CRACDL: variants seen among roughly 807,000 people sequenced by gnomAD.
CRACDL encodes CRACD like, also known as CRACD-like protein.
A neutral mutation model predicts 70.6 loss-of-function variants in CRACDL; 26 were observed. That is an observed-to-expected ratio of 0.37 (90% confidence interval 0.27 to 0.51). CRACDL has a LOEUF of 0.51. Ranked by LOEUF, CRACDL falls within the 20% of genes least tolerant of loss-of-function variation. The pLI, the probability that CRACDL is intolerant of heterozygous loss-of-function variation, is 0.94. For missense variants in CRACDL, 1,283 were observed against 1,376.9 expected, an observed-to-expected ratio of 0.93 and a Z score of 1.08; for synonymous variants, 618 against 615.2, an observed-to-expected ratio of 1.00 and a Z score of -0.07.
chr2:98,873,203 T>C (rs997887686), intron 1 of CRACDL, among the ~76,000 whole-genome samples: 2 of 152,246 alleles, frequency 1.3e-5, no homozygotes, highest in Non-Finnish European at 2.9e-5. Flanking sequence ...CCTTCTCCAC[T>C]GCTGGGAACA....
At chr2:98,892,574 T>C (rs1017613296) in intron 1 of CRACDL, among the ~76,000 whole-genome samples, 2 of 151,580 alleles carry the variant, frequency 1.3e-5, no homozygotes, top group Admixed American at 6.6e-5. Flanking sequence ...CCTGTAGTCC[T>C]AGCTACTCCG....
Position 98,822,206 on chromosome 2 carries a change from G to C in CRACDL, c.2067C>G (p.Thr689=). 1 of 1,610,224 alleles carries C rather than the reference G, an allele frequency of 6.2e-7. No individual in the cohort carries two copies. The highest frequency in any genetic ancestry group is 8.5e-7 in the Non-Finnish European group (1 of 1,179,296). ...RNPFPVKLRS[T]SLSLKYRDGA... Reference sequence around the variant, plus strand: ...CATCCCTGTATTTGAGCGAGAGGGAGGTGGACCGGAGCTTGACGGGGAAGG... The same window carrying C: ...CATCCCTGTATTTGAGCGAGAGGGACGTGGACCGGAGCTTGACGGGGAAGG... The change falls in exon 7 of 10, where the codon ACC becomes ACG. Residue 689 remains threonine, a synonymous_variant. Transcript: ENST00000397899. This position sits in a 1 kb window ranked among gnomAD's most constrained non-coding sequence, Gnocchi z 4.9.
At chr2:98,805,301 C>G (rs1704239856) in intron 7 of CRACDL, among the ~76,000 whole-genome samples, 1 of 152,000 alleles carries the variant, frequency 6.6e-6, no homozygotes, top group Admixed American at 6.6e-5. Flanking sequence ...ATAACAAAAC[C>G]CCCCCTAAGA....
chr2:98,912,184 AAT>A (rs1708560582), intron 1 of CRACDL, among the ~76,000 whole-genome samples: 1 of 152,210 alleles, frequency 6.6e-6, no homozygotes, highest in Non-Finnish European at 1.5e-5. Context: ...CGCAAGGGCA[AAT>A]AAAACATTTT....
In CRACDL at chr2:98,832,494, C is replaced by T. The variant is rs759873162; in HGVS notation, c.394G>A (p.Val132Met). 2.5e-6 allele frequency: 4 copies of T among 1,606,828 alleles called. No individual in the cohort carries two copies. The highest frequency in any genetic ancestry group is 2.7e-5 in the African/African-American group (2 of 74,566). ...KALQLKIQCNVKMGPPPPPGG... is the reference protein window; with the variant it reads ...KALQLKIQCNMKMGPPPPPGG... The stretch of plus-strand genomic sequence containing the variant: ...GGAGGAGGTGGTGGCCCCATTTTCA[C>T]ATTACACTGTATTTTTAACTAGATT... The change falls in exon 5 of 10, where the codon GTG becomes ATG. Residue 132 changes from valine (V) to methionine (M), a missense_variant. Val to Met is a conservative substitution (Grantham distance 21). This residue lies in a region of CRACDL where 362 missense variants were observed against 495.0 expected (regional missense o/e 0.73). Coordinates refer to ENST00000397899, the MANE Select transcript of CRACDL (RefSeq NM_207362.3).
At position 98,822,010 on chromosome 2, in the gene CRACDL, G is replaced by A; in HGVS notation, c.2263C>T (p.Pro755Ser). 6.5e-7 allele frequency: 1 copy of A among 1,538,526 alleles called. No individual in the cohort carries two copies. The highest frequency in any genetic ancestry group is 8.8e-7 in the Non-Finnish European group (1 of 1,141,946). ...GGCAGGGGCGGCTTGGAGCTGAGCG[G>A]CTCGGGGGGCCGGGCCTTCCCCTTT... ...QGKGKARPPE[P>S]LSSKPPLPRK... The change falls in exon 7 of 10, where the codon CCG (proline) becomes TCG (serine). Residue 755 changes from proline (P) to serine (S), a missense_variant. Pro to Ser is a moderately conservative substitution (Grantham distance 74). Transcript: ENST00000397899. This position sits in a 1 kb window ranked among gnomAD's most constrained non-coding sequence, Gnocchi z 4.9.
intron 5 of CRACDL, 34 bp from the exon 6 acceptor site, chr2:98,827,203 G>C (rs1206700555): frequency 1.3e-6 from 2 of 1,485,676 alleles, no homozygotes; most frequent in Non-Finnish European, 1.9e-6. Context: ...CACGGAGCAT[G>C]AACTTCACCG....
Position 98,823,379 on chromosome 2 carries a change from G to A in CRACDL, c.894C>T (p.Pro298=). Residue 298 remains proline, a synonymous_variant, in exon 7 of 10, where the codon CCC becomes CCT. Coordinates refer to ENST00000397899, the MANE Select transcript of CRACDL (RefSeq NM_207362.3). The surrounding 1 kb of genome is among the most constrained non-coding windows in gnomAD (Gnocchi z 4.0). ...CACGGGCCCCTCCGGGTGGCGGCAA[G>A]GGCGCCGGTGGCCCAGGCTCAGGGC... ...DRGPEPGPPA[P]LPPPGGARAR... 3 of 1,536,350 alleles carry A rather than the reference G, an allele frequency of 2.0e-6. No individual in the cohort carries two copies. The highest frequency in any genetic ancestry group is 2.0e-4 in the Middle Eastern group (1 of 5,054).
At chr2:98,810,400 C>T (rs575013478) in intron 7 of CRACDL, among the ~76,000 whole-genome samples, 2 of 152,046 alleles carry the variant, frequency 1.3e-5, no homozygotes, top group East Asian at 1.9e-4. Flanking sequence ...GAAGGCAATG[C>T]GAATTTTTAA....
intron 7 of CRACDL, among the ~76,000 whole-genome samples, chr2:98,802,212 T>A (rs1415394225): frequency 6.6e-6 from 1 of 152,274 alleles, no homozygotes; most frequent in Non-Finnish European, 1.5e-5. Flanking sequence ...GGGGCTGCCC[T>A]GCTGGCGCTG....
intron 3 of CRACDL, among the ~76,000 whole-genome samples, chr2:98,836,840 T>C (rs569881949): frequency 2.7e-4 from 41 of 152,236 alleles, no homozygotes; most frequent in Admixed American, 1.3e-3. Flanking sequence ...CCCAGCACTT[T>C]GGGAGGCCGA....
intron 5 of CRACDL, among the ~76,000 whole-genome samples, chr2:98,828,801 G>C (rs1480243429): frequency 6.6e-6 from 1 of 152,178 alleles, no homozygotes; most frequent in Non-Finnish European, 1.5e-5. Context: ...TAAAAATTAT[G>C]TTAAAAATAA....
chr2:98,862,423 G>GA (rs1433379381), intron 1 of CRACDL, among the ~76,000 whole-genome samples: 2 of 151,888 alleles, frequency 1.3e-5, no homozygotes, highest in East Asian at 3.9e-4. Flanking sequence ...ACCATCAAAG[G>GA]AAAAAAACCA....
At chr2:98,913,762 C>T (rs1179629975) in intron 1 of CRACDL, among the ~76,000 whole-genome samples, 1 of 152,184 alleles carries the variant, frequency 6.6e-6, no homozygotes, top group Non-Finnish European at 1.5e-5. Context: ...CCTCCCCAGT[C>T]GTTAGAATGA....
At position 98,823,285 on chromosome 2, in the gene CRACDL, C is replaced by T; in HGVS notation, c.988G>A (p.Glu330Lys). ...ASVEEGGVPG[E>K]DPSSRPATPE... is the part of the protein sequence containing the mutation. ...GTGGCCGGGCGGCTTGAGGGGTCCT[C>T]CCCGGGGACGCCCCCCTCCTCCACG... The change falls in exon 7 of 10, where the codon GAG becomes AAG. Residue 330 changes from glutamate to lysine, a missense_variant. Coordinates refer to ENST00000397899, the MANE Select transcript of CRACDL (RefSeq NM_207362.3). This position sits in a 1 kb window ranked among gnomAD's most constrained non-coding sequence, Gnocchi z 4.0. The T allele has an allele frequency of 7.0e-7, 1 of 1,419,268 alleles. No homozygotes were observed. The highest frequency in any genetic ancestry group is 9.1e-7 in the Non-Finnish European group (1 of 1,097,484). 87.9% of individuals were successfully genotyped at this position (1,419,268 alleles called of 1,614,324 possible).
intron 1 of CRACDL, among the ~76,000 whole-genome samples, chr2:98,868,793 A>G (rs1175445425): frequency 6.6e-6 from 1 of 152,212 alleles, no homozygotes; most frequent in African/African-American, 2.4e-5. Context: ...CTGCTCACCC[A>G]GCCCTCCTCC....
At chr2:98,914,469 G>A (rs941170930) in intron 1 of CRACDL, among the ~76,000 whole-genome samples, 3 of 152,260 alleles carry the variant, frequency 2.0e-5, no homozygotes, top group Non-Finnish European at 4.4e-5. Flanking sequence ...ATCAGGTTAC[G>A]GAAGTTGAGT....
chr2:98,919,187 T>C lies in CRACDL; in HGVS notation c.-11+16751A>G, dbSNP rs992894310. Among the ~76,000 whole-genome samples, 11 of 152,228 alleles carry C rather than the reference T, an allele frequency of 7.2e-5. No individual in the cohort carries two copies. The East Asian group carries it at 2.1e-3, about 29-fold the overall frequency. On this transcript the variant is annotated intron_variant, in intron 1 of 9. Coordinates refer to ENST00000397899, the MANE Select transcript of CRACDL (RefSeq NM_207362.3). ...TCTCAGCACCATTTATTGAAAGGGG[T>C]GTCCATTTTTATACCAGTGCCATGC...
intron 7 of CRACDL, among the ~76,000 whole-genome samples, chr2:98,798,248 G>A (rs542514063): frequency 4.3e-4 from 65 of 152,146 alleles, no homozygotes; most frequent in African/African-American, 1.5e-3. Flanking sequence ...GGGAGACTGT[G>A]GCAGGACAAT....
Sources: allele counts gnomAD v4.1 joint callset (sites outside exome capture counted in the v4.1 genomes callset), GRCh38; gene constraint gnomAD v4.1.1; regional missense constraint gnomAD v4.1.1; non-coding constraint Gnocchi (gnomAD v3.1); transcripts MANE v1.5; gene names NCBI Gene and HGNC (gene_info 2026-07-23, HGNC 2026-07-21).